The following SNAP91 variants were observed in gnomAD, a reference collection of about 807,000 sequenced individuals.
SNAP91 encodes clathrin coat assembly protein AP180.
In SNAP91, 27 loss-of-function variants were observed where a neutral mutation model predicts 100.3. The observed-to-expected ratio is 0.27, with a 90% CI of 0.20 to 0.37. SNAP91 has a LOEUF of 0.37. Ranked by LOEUF, SNAP91 falls within the 10% of genes least tolerant of loss-of-function variation. SNAP91 has a pLI of 1.00. For synonymous variants in SNAP91, 404 were observed against 398.6 expected (o/e 1.01, Z -0.16); for missense variants, 986 against 1,123.7 (o/e 0.88, Z 1.75).
At chr6:83,568,148 T>C (rs1246520501) in intron 26 of SNAP91, among the ~76,000 whole-genome samples, 3 of 152,268 alleles carry the variant, frequency 2.0e-5, no homozygotes, top group Admixed American at 1.3e-4. Context: ...ATATACACCA[T>C]GGACTACTAT....
intron 3 of SNAP91, among the ~76,000 whole-genome samples, chr6:83,664,235 G>A (rs550992972): frequency 6.6e-6 from 1 of 152,252 alleles, no homozygotes; most frequent in South Asian, 2.1e-4. Flanking sequence ...GCAGCCCATG[G>A]ATCAAGGAGT....
intron 9 of SNAP91, among the ~76,000 whole-genome samples, chr6:83,621,737 C>A (rs1424465908): frequency 2.6e-5 from 4 of 152,076 alleles, no homozygotes; most frequent in Non-Finnish European, 5.9e-5. Flanking sequence ...ACTGCCCAAA[C>A]TAAGTATGAT....
At chr6:83,611,628 T>C (rs1489126109) in intron 11 of SNAP91, among the ~76,000 whole-genome samples, 2 of 151,986 alleles carry the variant, frequency 1.3e-5, no homozygotes, top group African/African-American at 4.8e-5. Flanking sequence ...AGTAGAATTT[T>C]GTACAATATT....
rs922300018 is a variant in SNAP91, at chr6:83,655,839, T to C, written c.658+915A>G. Among the ~76,000 whole-genome samples, 5 of 152,156 alleles carry C rather than the reference T, an allele frequency of 3.3e-5. No homozygotes were observed. The East Asian group carries it at 9.7e-4, about 29-fold the overall frequency. The stretch of plus-strand genomic sequence containing the variant: ...ACTCTTTTTCTTTCCCATTTCTCCC[T>C]CAAATTATACCCATGGACTCTGGGG... On this transcript the variant is annotated intron_variant, in intron 7 of 29. Coordinates refer to ENST00000369694, the MANE Select transcript of SNAP91 (RefSeq NM_001242792.2).
intron 16 of SNAP91, among the ~76,000 whole-genome samples, chr6:83,597,160 T>C (rs1380168815): frequency 1.3e-5 from 2 of 152,104 alleles, no homozygotes; most frequent in African/African-American, 4.8e-5. Flanking sequence ...TTCTTAAAGG[T>C]AGGAGCTGCA....
chr6:83,587,379 A>G (rs1271408992), intron 22 of SNAP91, among the ~76,000 whole-genome samples: 2 of 152,178 alleles, frequency 1.3e-5, no homozygotes, highest in East Asian at 1.9e-4. Flanking sequence ...TTCTTTCTCA[A>G]AACAGTTTTA....
chr6:83,583,049 C>T (rs1002142107), intron 22 of SNAP91, among the ~76,000 whole-genome samples: 5 of 152,180 alleles, frequency 3.3e-5, no homozygotes, highest in East Asian at 1.9e-4. Context: ...TGAATTCCTT[C>T]GTGTAGTGAT....
At chr6:83,691,668 G>A (rs138388386) in intron 2 of SNAP91, among the ~76,000 whole-genome samples, 17 of 152,086 alleles carry the variant, frequency 1.1e-4, no homozygotes, top group African/African-American at 4.1e-4. Context: ...AAGAACCCAG[G>A]CCCAATAATA....
At chr6:83,585,994 CGT>C (rs1338012944) in intron 22 of SNAP91, among the ~76,000 whole-genome samples, 1 of 151,760 alleles carries the variant, frequency 6.6e-6, no homozygotes, top group Non-Finnish European at 1.5e-5. Flanking sequence ...GGGATTACAG[CGT>C]GTGTCACTAC....
chr6:83,574,313 A>G (rs1355786364), intron 26 of SNAP91, among the ~76,000 whole-genome samples: 4 of 152,218 alleles, frequency 2.6e-5, no homozygotes, highest in African/African-American at 9.6e-5. Context: ...TGTGTCAGCA[A>G]ATTTCACAAA....
intron 5 of SNAP91, among the ~76,000 whole-genome samples, chr6:83,659,989 G>T (rs2098507453): frequency 6.6e-6 from 1 of 152,178 alleles, no homozygotes; most frequent in African/African-American, 2.4e-5. Flanking sequence ...AGGTCTCTTA[G>T]GAAGCCCTTG....
chr6:83,702,281 C>G (rs1272887600), intron 2 of SNAP91, among the ~76,000 whole-genome samples: 4 of 152,148 alleles, frequency 2.6e-5, no homozygotes, highest in Non-Finnish European at 4.4e-5. Context: ...AAAGCACCCT[C>G]GGCCCCTAGG....
intron 12 of SNAP91, among the ~76,000 whole-genome samples, chr6:83,609,917 T>C (rs2095879690): frequency 6.6e-6 from 1 of 152,188 alleles, no homozygotes; most frequent in South Asian, 2.1e-4. Context: ...TGTTTTCTGT[T>C]GCAATATAAA....
intron 7 of SNAP91, among the ~76,000 whole-genome samples, chr6:83,650,302 T>G (rs2098141315): frequency 6.6e-6 from 1 of 152,216 alleles, no homozygotes; most frequent in Non-Finnish European, 1.5e-5. Context: ...CCTCAGTTGT[T>G]TTATGAATAT....
intron 22 of SNAP91, among the ~76,000 whole-genome samples, chr6:83,588,747 T>G (rs528616661): frequency 6.6e-6 from 1 of 152,300 alleles, no homozygotes; most frequent in South Asian, 2.1e-4. Flanking sequence ...GGAAAAGGCC[T>G]TTCAGCTCCA....
chr6:83,591,251 C>A lies in SNAP91; in HGVS notation c.1974G>T (p.Gln658His). The A allele has an allele frequency of 6.2e-7, 1 of 1,612,978 alleles. No individual in the cohort carries two copies. Among genetic ancestry groups the A allele is most frequent in the South Asian group, 1.1e-5 (1 of 90,988 alleles). ...CCGATGCTGATGAACTAGAAGCAGC[C>A]TGAGATGCAGGTTGGGGTTCAGAAG... is the stretch of plus-strand genomic sequence containing the variant. Reference protein sequence around the residue: ...SSASEPQPASQAASSSSASAD... With the variant: ...SSASEPQPASHAASSSSASAD... Residue 658 changes from glutamine to histidine, a missense_variant, in exon 22 of 30, where the codon CAG becomes CAT. Around this residue, in one of 4 missense-constraint regions of SNAP91, gnomAD observed 575 missense variants for 579.9 expected, o/e 0.99. Coordinates refer to ENST00000369694, the MANE Select transcript of SNAP91 (RefSeq NM_001242792.2).
At chr6:83,620,214 C>G (rs1373759367) in intron 9 of SNAP91, among the ~76,000 whole-genome samples, 1 of 152,124 alleles carries the variant, frequency 6.6e-6, no homozygotes, top group East Asian at 1.9e-4. Context: ...GAATTCTAAT[C>G]ATTTTTTAAG....
intron 2 of SNAP91, among the ~76,000 whole-genome samples, chr6:83,704,107 G>A (rs895471267): frequency 2.0e-5 from 3 of 147,906 alleles, no homozygotes; most frequent in African/African-American, 4.9e-5. Flanking sequence ...CTATCCCTTA[G>A]GGCATCACAT....
At chr6:83,601,513 G>T in intron 15 of SNAP91, 72 bp downstream of exon 15, 1 of 1,609,876 alleles carries the variant, frequency 6.2e-7, no homozygotes, top group South Asian at 1.1e-5. Context: ...GACTCCAAAT[G>T]ATCAAAATAA....
Sources: allele counts gnomAD v4.1 joint callset (sites outside exome capture counted in the v4.1 genomes callset), GRCh38; gene constraint gnomAD v4.1.1; regional missense constraint gnomAD v4.1.1; transcripts MANE v1.5; gene names NCBI Gene and HGNC (gene_info 2026-07-23, HGNC 2026-07-21).